POLK: variants seen among roughly 807,000 people sequenced by gnomAD.
POLK encodes the protein polymerase (DNA directed) kappa.
POLK carries 76 observed loss-of-function variants against 94.0 expected under a neutral mutation model. The ratio of observed to expected loss-of-function variants is 0.81; its 90% CI spans 0.67 to 0.98. POLK has a LOEUF of 0.98. Among genes scored for constraint, POLK ranks in the 50% least tolerant of loss-of-function variants. The pLI, the probability that POLK is intolerant of heterozygous loss-of-function variation, is 0.00. For missense variants in POLK, 954 were observed against 1,010.1 expected (o/e 0.94, Z 0.75); for synonymous variants, 349 against 325.4 (o/e 1.07, Z -0.78).
chr5:75,597,044 T>C, exon 13 of POLK: 3 of 1,613,654 alleles, frequency 1.9e-6, no homozygotes, highest in Non-Finnish European at 2.5e-6. Flanking sequence ...GTTTGTAACG[T>C]AGAACAAAAG....
At chr5:75,564,410 G>C (rs1771156164) in intron 3 of POLK, among the ~76,000 whole-genome samples, 1 of 151,244 alleles carries the variant, frequency 6.6e-6, no homozygotes, top group Admixed American at 6.6e-5. Context: ...TTTAATTGGG[G>C]CATTTATTTT....
intron 3 of POLK, among the ~76,000 whole-genome samples, chr5:75,554,604 C>T (rs1770504894): frequency 6.6e-6 from 1 of 151,998 alleles, no homozygotes; most frequent in South Asian, 2.1e-4. Flanking sequence ...GTCACCCAGG[C>T]ATTAAGCGTA....
intron 3 of POLK, among the ~76,000 whole-genome samples, chr5:75,559,752 C>T (rs1394038441): frequency 6.6e-6 from 1 of 151,740 alleles, no homozygotes; most frequent in African/African-American, 2.4e-5. Flanking sequence ...ATTGCCCAGG[C>T]CAGTCTCAAA....
the POLK span, chr5:75,609,155 T>TA: frequency 2.2e-4 from 33 of 152,294 alleles, no homozygotes; most frequent in Non-Finnish European, 3.7e-4. Flanking sequence ...CTGTCATTGA[T>TA]AAGAGGATTT....
intron 4 of POLK, among the ~76,000 whole-genome samples, chr5:75,572,523 T>C (rs941366095): frequency 6.6e-6 from 1 of 152,188 alleles, no homozygotes; most frequent in Non-Finnish European, 1.5e-5. Flanking sequence ...TTATGACTAT[T>C]CTATACAACT....
intron 1 of POLK, among the ~76,000 whole-genome samples, chr5:75,518,861 T>C (rs1580904208): frequency 6.6e-6 from 1 of 152,240 alleles, no homozygotes. Context: ...CCTTCTTAAA[T>C]AGAGACAGCG....
chr5:75,607,279 C>T, the POLK span, among the ~76,000 whole-genome samples: 1 of 151,908 alleles, frequency 6.6e-6, no homozygotes, highest in Non-Finnish European at 1.5e-5. Context: ...CCAGCCTGGC[C>T]AAGATGGTGA....
intron 1 of POLK, among the ~76,000 whole-genome samples, chr5:75,527,500 T>TACACACACAC (rs1485138400): frequency 2.6e-5 from 3 of 116,082 alleles, no homozygotes; most frequent in East Asian, 4.4e-4. Flanking sequence ...AAAATTTATA[T>TACACACACAC]ATACACACAC....
chr5:75,524,490 A>G (rs1265387037), intron 1 of POLK, among the ~76,000 whole-genome samples: 1 of 152,222 alleles, frequency 6.6e-6, no homozygotes, highest in African/African-American at 2.4e-5. Flanking sequence ...TTGGAGAGCA[A>G]AAGTTATTTT....
Position 75,555,186 on chromosome 5 carries a change from A to G in POLK, c.255+2595A>G, listed in dbSNP as rs542674312. Among the ~76,000 whole-genome samples the G allele has an allele frequency of 1.2e-3, 177 of 152,290 alleles. No individual in the cohort carries two copies. The South Asian group carries it at 0.033, about 28-fold the overall frequency. On this transcript the variant is annotated intron_variant, in intron 3 of 14. Coordinates refer to ENST00000241436, the Ensembl canonical transcript of POLK. ...AGTTGATAGTTTATATTAGGGTTCAATATTGGTGGTGTACATTCTGTGGGT... is the reference window on the plus strand; with the variant it reads ...AGTTGATAGTTTATATTAGGGTTCAGTATTGGTGGTGTACATTCTGTGGGT...
chr5:75,517,834 G>GT (rs1282451488), intron 1 of POLK, among the ~76,000 whole-genome samples: 1 of 152,102 alleles, frequency 6.6e-6, no homozygotes, highest in African/African-American at 2.4e-5. Context: ...TTTGCTGAGG[G>GT]TTTTTATCAT....
At chr5:75,543,593 A>G (rs1231039344) in intron 1 of POLK, among the ~76,000 whole-genome samples, 2 of 152,184 alleles carry the variant, frequency 1.3e-5, no homozygotes, top group Non-Finnish European at 2.9e-5. Flanking sequence ...TTAAACTTGA[A>G]ATGGCAAACA....
At chr5:75,530,537 G>A (rs1769123387) in intron 1 of POLK, among the ~76,000 whole-genome samples, 1 of 146,804 alleles carries the variant, frequency 6.8e-6, no homozygotes, top group Admixed American at 7.0e-5. Flanking sequence ...TTGGATAATT[G>A]TATTACCTTA....
At chr5:75,568,081 C>T (rs1304469621) in intron 3 of POLK, among the ~76,000 whole-genome samples, 1 of 152,194 alleles carries the variant, frequency 6.6e-6, no homozygotes, top group Non-Finnish European at 1.5e-5. Context: ...GCCACATATA[C>T]ACCTATAGCT....
rs531202412 is a variant in POLK at position 75,563,117 on chromosome 5, T to G, written c.256-6223T>G. ...GCTCCTCTTTGTACCTCTGGTAGAATTCAGCTGTGAATTGTTGTGTTTTTA... is the reference window on the plus strand; with the variant it reads ...GCTCCTCTTTGTACCTCTGGTAGAAGTCAGCTGTGAATTGTTGTGTTTTTA... On this transcript the variant is annotated intron_variant, in intron 3 of 14. Coordinates refer to ENST00000241436, the Ensembl canonical transcript of POLK. 1.5e-4 allele frequency among the ~76,000 whole-genome samples: 23 copies of G among 152,282 alleles called. No individual in the cohort carries two copies. In the South Asian group the frequency reaches 4.1e-3, roughly 27 times the overall value.
At chr5:75,522,973 G>C (rs910465464) in intron 1 of POLK, among the ~76,000 whole-genome samples, 2 of 152,144 alleles carry the variant, frequency 1.3e-5, no homozygotes, top group Non-Finnish European at 2.9e-5. Context: ...AAAGACACTG[G>C]TGGTATATAA....
At chr5:75,527,595 A>G (rs1485373746) in intron 1 of POLK, among the ~76,000 whole-genome samples, 2 of 152,004 alleles carry the variant, frequency 1.3e-5, no homozygotes, top group African/African-American at 4.8e-5. Context: ...GTGTATATAT[A>G]TAGTTTTATT....
intron 3 of POLK, among the ~76,000 whole-genome samples, chr5:75,556,920 C>T (rs562066287): frequency 1.3e-5 from 2 of 152,054 alleles, no homozygotes; most frequent in African/African-American, 4.8e-5. Flanking sequence ...AAAATTAACT[C>T]GGGGTGGTGG....
Position 75,520,624 on chromosome 5 carries a change from C to A in POLK, c.-14+8710C>A, listed in dbSNP as rs147588491. The stretch of plus-strand genomic sequence containing the variant: ...ATGTTGCCCAGGATAGTCTTAAACT[C>A]CTGGCCTCAGGCAGTCCTCCTGACT... On this transcript the variant is annotated intron_variant, in intron 1 of 14. Transcript: ENST00000241436. Among the ~76,000 whole-genome samples, 317 of 152,262 alleles carry A rather than the reference C, an allele frequency of 2.1e-3. 1 individual carries two copies. In the East Asian group the frequency reaches 0.028, roughly 13 times the overall value.
Sources: allele counts gnomAD v4.1 joint callset (sites outside exome capture counted in the v4.1 genomes callset), GRCh38; gene constraint gnomAD v4.1.1; transcripts MANE v1.5; gene names NCBI Gene and HGNC (gene_info 2026-07-23, HGNC 2026-07-21).